Variants in CEP170B observed in about 807,000 individuals in gnomAD.
CEP170B encodes the protein centrosomal protein 170B, also known as centrosomal protein of 170 kDa protein B.
Under a neutral mutation model 120.6 loss-of-function variants are expected in CEP170B, and 55 were observed. The observed-to-expected ratio is 0.46, with a 90% CI of 0.37 to 0.57. The LOEUF (loss-of-function observed/expected upper bound fraction) is 0.57. CEP170B is among the 20% of genes least tolerant of loss of function. The pLI, the probability that CEP170B is intolerant of heterozygous loss-of-function variation, is 0.00. For synonymous variants in CEP170B, 1,033 were observed against 954.5 expected (o/e 1.08, Z -1.52); for missense variants, 2,212 against 2,253.3 (o/e 0.98, Z 0.37).
Position 104,884,128 on chromosome 14 carries a change from C to T in CEP170B, c.1349C>T (p.Ala450Val). The T allele has an allele frequency of 2.6e-6, 4 of 1,565,950 alleles. No individual in the cohort carries two copies. Among genetic ancestry groups the T allele is most frequent in the Non-Finnish European group, 3.5e-6 (4 of 1,156,318 alleles). The change falls in exon 9 of 19, where the codon GCC becomes GTC. Residue 450 changes from alanine (A) to valine (V), a missense_variant. Around this residue, in one of 2 missense-constraint regions of CEP170B, gnomAD observed 2,166 missense variants for 2,166.7 expected, o/e 1.00. Transcript: ENST00000414716. Reference protein sequence around the residue: ...PADRDRPSVPAPVQAGGRSSG... With the variant: ...PADRDRPSVPVPVQAGGRSSG... ...GATAGGGACCGCCCCAGTGTCCCAG[C>T]CCCAGTCCAGGCAGGGGGCCGCAGC...
Position 104,883,252 on chromosome 14 carries a change from C to A in CEP170B, c.795C>A (p.Ser265Arg). 6.2e-7 allele frequency: 1 copy of A among 1,611,424 alleles called. No homozygotes were observed. The highest frequency in any genetic ancestry group is 8.5e-7 in the Non-Finnish European group (1 of 1,179,548). ...GCGGAGCGGCCCCTGTGGTGCAGAGCCACGCCTCCTTCACCATCGAGTTTG... is the reference window on the plus strand; with the variant it reads ...GCGGAGCGGCCCCTGTGGTGCAGAGACACGCCTCCTTCACCATCGAGTTTG... ...GGGGAAPVVQ[S>R]HASFTIEFDD... is the part of the protein sequence containing the mutation. The change falls in exon 8 of 19, where the codon AGC (serine) becomes AGA (arginine). Residue 265 changes from serine (S) to arginine (R), a missense_variant. This residue lies in a region of CEP170B where 2,166 missense variants were observed against 2,166.7 expected (regional missense o/e 1.00). Coordinates refer to ENST00000414716, the MANE Select transcript of CEP170B (RefSeq NM_001112726.3).
At chr14:104,871,270 C>G (rs1404294673) in intron 2 of CEP170B, among the ~76,000 whole-genome samples, 2 of 152,196 alleles carry the variant, frequency 1.3e-5, no homozygotes, top group African/African-American at 2.4e-5. Flanking sequence ...GGCTGCTGCA[C>G]TGGGGCCTCT....
At chr14:104,878,897 G>A (rs904486014) in intron 5 of CEP170B, among the ~76,000 whole-genome samples, 6 of 152,208 alleles carry the variant, frequency 3.9e-5, no homozygotes, top group Non-Finnish European at 5.9e-5. Context: ...AGAACAAATG[G>A]CTCATTGGGT....
intron 2 of CEP170B, among the ~76,000 whole-genome samples, chr14:104,874,350 G>T (rs530598358): frequency 6.6e-6 from 1 of 152,302 alleles, no homozygotes; most frequent in East Asian, 1.9e-4. Flanking sequence ...TGAACAGGGT[G>T]GACCTGGAGG....
At position 104,893,104 on chromosome 14, in the gene CEP170B, C is replaced by T. The variant is rs201533315; in HGVS notation, c.4007C>T (p.Thr1336Ile). The T allele has an allele frequency of 6.2e-5, 99 of 1,609,240 alleles. No individual in the cohort carries two copies. In the East Asian group the frequency reaches 2.1e-3, roughly 34 times the overall value. The change falls in exon 14 of 19, where the codon ACC becomes ATC. Residue 1336 changes from threonine to isoleucine, a missense_variant. Physicochemically the swap from Thr to Ile is moderately conservative, Grantham distance 89. Transcript: ENST00000414716. ...GCCTCCCTCAGCAACATGCCCAGCA[C>T]CCCCGCCTCGACCATCTCTGCCCGG... ...HSASLSNMPS[T>I]PASTISAREE...
intron 6 of CEP170B, among the ~76,000 whole-genome samples, chr14:104,880,701 ATCT>A (rs1896103152): frequency 1.3e-5 from 2 of 149,702 alleles, no homozygotes; most frequent in African/African-American, 5.0e-5. Context: ...GCATGCCTGC[ATCT>A]TCGTTATACA....
chr14:104,874,335 G>A (rs1660866508), intron 2 of CEP170B, among the ~76,000 whole-genome samples: 1 of 152,330 alleles, frequency 6.6e-6, no homozygotes, highest in African/African-American at 2.4e-5. Context: ...TTCGGAGAAG[G>A]AATTTGAACA....
intron 2 of CEP170B, among the ~76,000 whole-genome samples, chr14:104,872,719 C>T (rs1413309000): frequency 6.6e-6 from 1 of 152,132 alleles, no homozygotes; most frequent in African/African-American, 2.4e-5. Context: ...CTGCGGGTGC[C>T]TGTGGCCGCC....
At position 104,894,911 on chromosome 14, in the gene CEP170B, C is replaced by T; in HGVS notation, c.4618C>T (p.Leu1540Phe). 6.3e-7 allele frequency: 1 copy of T among 1,596,450 alleles called. No homozygotes were observed. The highest frequency in any genetic ancestry group is 8.5e-7 in the Non-Finnish European group (1 of 1,172,094). ...GCGGGCCAGCTGTGGGCCTCCCAGCCTCCCGGACCCCACCTTCCTCCCTGA... is the reference window on the plus strand; with the variant it reads ...GCGGGCCAGCTGTGGGCCTCCCAGCTTCCCGGACCCCACCTTCCTCCCTGA... ...PQRASCGPPS[L>F]PDPTFLPDAE... Residue 1540 changes from leucine to phenylalanine, a missense_variant, in exon 19 of 19, where the codon CTC (leucine) becomes TTC (phenylalanine). Around this residue, in one of 2 missense-constraint regions of CEP170B, gnomAD observed 2,166 missense variants for 2,166.7 expected, o/e 1.00. Coordinates refer to ENST00000414716, the MANE Select transcript of CEP170B (RefSeq NM_001112726.3).
rs1897050707 is a variant in CEP170B, at chr14:104,895,773, A to G, written c.*815A>G. On this transcript the variant is annotated 3_prime_UTR_variant, in exon 19 of 19. Coordinates refer to ENST00000414716, the MANE Select transcript of CEP170B (RefSeq NM_001112726.3). ...ATGGGCCTCTGTAGGTGGGCTTCCAAGGTCCTGGGTGCAGCCGGGTGCATG... is the reference window on the plus strand; with the variant it reads ...ATGGGCCTCTGTAGGTGGGCTTCCAGGGTCCTGGGTGCAGCCGGGTGCATG... 1 of 152,338 alleles carries G rather than the reference A, an allele frequency of 6.6e-6. No homozygotes were observed. The highest frequency in any genetic ancestry group is 2.1e-4 in the South Asian group (1 of 4,828). The allele number at this position is 152,338 out of a possible 1,614,324, so 9.4% of individuals were successfully genotyped here.
At chr14:104,883,795 T>C in intron 8 of CEP170B, 36 bp from the exon 9 acceptor site, 3 of 1,489,016 alleles carry the variant, frequency 2.0e-6, no homozygotes, top group Non-Finnish European at 2.7e-6. Flanking sequence ...TTCCTTTCTC[T>C]CGGCCTGACA....
chr14:104,874,594 C>A (rs1262319323), intron 2 of CEP170B, among the ~76,000 whole-genome samples: 1 of 152,006 alleles, frequency 6.6e-6, no homozygotes, highest in Non-Finnish European at 1.5e-5. Context: ...CACCCCTGCC[C>A]ACTTCCTGGG....
At position 104,883,348 on chromosome 14, in the gene CEP170B, C is replaced by A; in HGVS notation, c.891C>A (p.Pro297=). ...AGTTTTCCCTGCGCCAGCGGCGGCCCCCGGGCAAGGAGGCCACACCTGGCG... is the reference window on the plus strand; with the variant it reads ...AGTTTTCCCTGCGCCAGCGGCGGCCACCGGGCAAGGAGGCCACACCTGGCG... ...ITKFSLRQRR[P]PGKEATPGEM... Residue 297 remains proline, a synonymous_variant, in exon 8 of 19, where the codon CCC becomes CCA. Coordinates refer to ENST00000414716, the MANE Select transcript of CEP170B (RefSeq NM_001112726.3). 1.2e-6 allele frequency: 2 copies of A among 1,611,170 alleles called. No homozygotes were observed. Among genetic ancestry groups the A allele is most frequent in the Non-Finnish European group, 1.7e-6 (2 of 1,179,400 alleles).
chr14:104,885,649 C>G, intron 10 of CEP170B, 107 bp downstream of exon 10: 1 of 1,401,616 alleles, frequency 7.1e-7, no homozygotes, highest in South Asian at 1.3e-5. Context: ...CTGGACTTTC[C>G]TCTGAGGGAC....
intron 3 of CEP170B, 94 bp downstream of exon 3, chr14:104,876,439 C>A: frequency 2.6e-6 from 3 of 1,176,326 alleles, no homozygotes; most frequent in Non-Finnish European, 2.5e-6. Context: ...CCAGTCATAG[C>A]CCCTCCCTCT....
chr14:104,875,923 C>T lies in CEP170B; in HGVS notation c.106-333C>T, dbSNP rs903781812. Among the ~76,000 whole-genome samples the T allele has an allele frequency of 2.0e-5, 3 of 152,204 alleles. No individual in the cohort carries two copies. The East Asian group carries it at 5.8e-4, about 29-fold the overall frequency. On this transcript the variant is annotated intron_variant, in intron 2 of 18. Coordinates refer to ENST00000414716, the MANE Select transcript of CEP170B (RefSeq NM_001112726.3). ...GGCTCCCTGAGACAAGCCCCCTCACCGCCAGCCTGGCTGCCGCCACCTGAC... is the reference window on the plus strand; with the variant it reads ...GGCTCCCTGAGACAAGCCCCCTCACTGCCAGCCTGGCTGCCGCCACCTGAC...
In CEP170B at chr14:104,870,092, T is replaced by C. The variant is rs563591890; in HGVS notation, c.105+1537T>C. ...GAGAGTCGGTGGCTGGGGGCAGGAG[T>C]CGGCAAATGTTTTCTACAAGGGCCT... On this transcript the variant is annotated intron_variant, in intron 2 of 18. Coordinates refer to ENST00000414716, the MANE Select transcript of CEP170B (RefSeq NM_001112726.3). This position sits in a 1 kb window ranked among gnomAD's most constrained non-coding sequence, Gnocchi z 4.1. Among the ~76,000 whole-genome samples the C allele has an allele frequency of 9.3e-5, 12 of 129,620 alleles. No individual in the cohort carries two copies. Among genetic ancestry groups the C allele is most frequent in the African/African-American group, 3.2e-4 (12 of 38,090 alleles). The allele number at this position is 129,620 out of a possible 152,430, so 85.0% of individuals were successfully genotyped here. A position where few individuals can be genotyped will look rare whatever the true frequency, so the allele number is the denominator to read the frequency against.
In CEP170B at chr14:104,868,975, T is replaced by C. The variant is rs1337949647; in HGVS notation, c.105+420T>C. Among the ~76,000 whole-genome samples, 1 of 152,184 alleles carries C rather than the reference T, an allele frequency of 6.6e-6. No homozygotes were observed. The highest frequency in any genetic ancestry group is 2.4e-5 in the African/African-American group (1 of 41,446). On this transcript the variant is annotated intron_variant, in intron 2 of 18. Coordinates refer to ENST00000414716, the MANE Select transcript of CEP170B (RefSeq NM_001112726.3). This position sits in a 1 kb window ranked among gnomAD's most constrained non-coding sequence, Gnocchi z 5.9. ...CCCCGTCTATGCTGTGAGTGCTGCC[T>C]GAGCGGGGGTCCCAGTATCTTGGTC...
At chr14:104,894,644 A>G (rs1595363985) in intron 18 of CEP170B, 56 bp downstream of exon 18, 3 of 1,587,256 alleles carry the variant, frequency 1.9e-6, no homozygotes, top group Admixed American at 3.5e-5. Context: ...CTTGTGGGGA[A>G]CCCTGACTCA....
Sources: allele counts gnomAD v4.1 joint callset (sites outside exome capture counted in the v4.1 genomes callset), GRCh38; gene constraint gnomAD v4.1.1; regional missense constraint gnomAD v4.1.1; non-coding constraint Gnocchi (gnomAD v3.1); transcripts MANE v1.5; gene names NCBI Gene and HGNC (gene_info 2026-07-23, HGNC 2026-07-21).